Variants in PRKCB observed in about 807,000 individuals in gnomAD.
PRKCB encodes protein kinase C beta type.
In PRKCB, 13 loss-of-function variants were observed where a neutral mutation model predicts 81.5. The observed-to-expected ratio is 0.16, with a 90% confidence interval of 0.10 to 0.25. The LOEUF is 0.25. Ranked by LOEUF, PRKCB falls within the 10% of genes least tolerant of loss-of-function variation. The pLI, the probability that PRKCB is intolerant of heterozygous loss-of-function variation, is 1.00. For missense variants in PRKCB, 509 were observed against 875.7 expected (o/e 0.58, Z 5.29); for synonymous variants, 335 against 321.4 (o/e 1.04, Z -0.45).
At chr16:24,136,549 C>T (rs188826528) in intron 9 of PRKCB, among the ~76,000 whole-genome samples, 2 of 152,274 alleles carry the variant, frequency 1.3e-5, no homozygotes, top group African/African-American at 4.8e-5. Flanking sequence ...TCTGCAGATA[C>T]GCATCAGCAC....
chr16:23,985,010 C>T (rs1387564549), intron 2 of PRKCB, among the ~76,000 whole-genome samples: 1 of 152,154 alleles, frequency 6.6e-6, no homozygotes, highest in African/African-American at 2.4e-5. Context: ...TAAAACTCCA[C>T]AAAAGCTATT....
At chr16:23,919,821 G>T (rs187769672) in intron 2 of PRKCB, among the ~76,000 whole-genome samples, 1 of 152,266 alleles carries the variant, frequency 6.6e-6, no homozygotes, top group Middle Eastern at 3.4e-3. Flanking sequence ...ACATTGTTGC[G>T]TGTGTCAGAA....
chr16:23,982,043 C>T (rs1346559828), intron 2 of PRKCB, among the ~76,000 whole-genome samples: 1 of 105,920 alleles, frequency 9.4e-6, no homozygotes, highest in African/African-American at 4.0e-5. Flanking sequence ...CCTTCACCTT[C>T]CCCTTCCCTT....
intron 3 of PRKCB, among the ~76,000 whole-genome samples, chr16:24,000,557 A>G (rs1213527711): frequency 1.3e-5 from 2 of 152,236 alleles, no homozygotes; most frequent in African/African-American, 4.8e-5. Context: ...ACATAGGTTT[A>G]TAGTGATAAT....
intron 13 of PRKCB, among the ~76,000 whole-genome samples, 163 bp from the exon 14 acceptor site, chr16:24,184,948 A>G (rs1967680625): frequency 6.6e-6 from 1 of 152,248 alleles, no homozygotes; most frequent in Admixed American, 6.5e-5. Flanking sequence ...GTGTTTGCCC[A>G]GCTGCAGGTG....
intron 5 of PRKCB, among the ~76,000 whole-genome samples, chr16:24,084,923 G>A (rs1966293472): frequency 6.6e-6 from 1 of 152,120 alleles, no homozygotes; most frequent in Non-Finnish European, 1.5e-5. Flanking sequence ...CCCTATGTGT[G>A]ACACTTTCCC....
intron 3 of PRKCB, among the ~76,000 whole-genome samples, chr16:24,013,500 T>C (rs113940756): frequency 1.0e-3 from 153 of 152,300 alleles, no homozygotes; most frequent in African/African-American, 3.6e-3. Context: ...AAACCTGTTT[T>C]ACATGGTCGT....
At chr16:23,862,461 T>C (rs1962685596) in intron 2 of PRKCB, among the ~76,000 whole-genome samples, 1 of 152,218 alleles carries the variant, frequency 6.6e-6, no homozygotes, top group Non-Finnish European at 1.5e-5. Context: ...GACTTGAGGC[T>C]TCATGTTGAA....
chr16:24,004,307 A>G (rs1965084243), intron 3 of PRKCB, among the ~76,000 whole-genome samples: 1 of 152,098 alleles, frequency 6.6e-6, no homozygotes, highest in Non-Finnish European at 1.5e-5. Context: ...TAAAAGGGAC[A>G]AAAGTGTATC....
At chr16:24,137,075 G>T (rs1473408002) in intron 9 of PRKCB, among the ~76,000 whole-genome samples, 1 of 148,312 alleles carries the variant, frequency 6.7e-6, no homozygotes, top group East Asian at 2.0e-4. Context: ...TTTTAGTAGA[G>T]ACGGGGTTTC....
rs780530354 is a variant in PRKCB, at chr16:23,837,414, C to G, written c.205+8C>G. On this transcript the variant is annotated splice_region_variant and intron_variant, in intron 2 of 16. Coordinates refer to ENST00000643927, the MANE Select transcript of PRKCB (RefSeq NM_002738.7). Reference sequence around the variant, plus strand: ...AGGGATTCCAGTGCCAAGGTAGGCTCTGGGGCTTTGGGGATGCTATTTGTG... The same window carrying G: ...AGGGATTCCAGTGCCAAGGTAGGCTGTGGGGCTTTGGGGATGCTATTTGTG... 13 of 1,609,672 alleles carry G rather than the reference C, an allele frequency of 8.1e-6. No individual in the cohort carries two copies. The highest frequency in any genetic ancestry group is 1.7e-4 in the Middle Eastern group (1 of 6,042).
At chr16:23,939,046 CA>C (rs1964103486) in intron 2 of PRKCB, among the ~76,000 whole-genome samples, 1 of 152,126 alleles carries the variant, frequency 6.6e-6, no homozygotes, top group Non-Finnish European at 1.5e-5. Flanking sequence ...TTGCCAGATA[CA>C]GGGGAAACAT....
chr16:24,004,235 G>C (rs1017008885), intron 3 of PRKCB, among the ~76,000 whole-genome samples: 2 of 152,090 alleles, frequency 1.3e-5, no homozygotes, highest in Non-Finnish European at 2.9e-5. Context: ...CTATGAGATT[G>C]GATGAGCAAT....
At chr16:23,874,049 G>T (rs1234891022) in intron 2 of PRKCB, among the ~76,000 whole-genome samples, 1 of 152,058 alleles carries the variant, frequency 6.6e-6, no homozygotes, top group African/African-American at 2.4e-5. Context: ...AGGGAAAATT[G>T]CTTGTCTATG....
chr16:24,068,930 G>A (rs1966074563), intron 5 of PRKCB, among the ~76,000 whole-genome samples: 1 of 152,186 alleles, frequency 6.6e-6, no homozygotes, highest in Non-Finnish European at 1.5e-5. Flanking sequence ...AGAACACTAT[G>A]GAGACAGCGA....
intron 2 of PRKCB, among the ~76,000 whole-genome samples, chr16:23,855,790 C>G (rs532783596): frequency 2.0e-4 from 31 of 152,180 alleles, no homozygotes; most frequent in Non-Finnish European, 3.8e-4. Context: ...CTGGGACAAG[C>G]CAATGCATCA....
rs543636928 is a variant in PRKCB, at chr16:24,217,751, T to C, written c.*2935T>C. On this transcript the variant is annotated 3_prime_UTR_variant, in exon 17 of 17. Coordinates refer to ENST00000643927, the MANE Select transcript of PRKCB (RefSeq NM_002738.7). ...GGCAGGGAAAGCGAAATAGGGTTGA[T>C]GAGACCAGGGGAGACCTAAAAAAAA... The C allele has an allele frequency of 3.0e-6, 3 of 985,418 alleles. No homozygotes were observed. Among genetic ancestry groups the C allele is most frequent in the Middle Eastern group, 5.2e-4 (1 of 1,914 alleles). The allele number at this position is 985,418 out of a possible 1,614,324, so 61.0% of individuals were successfully genotyped here.
chr16:23,887,342 C>T (rs1435003167), intron 2 of PRKCB, among the ~76,000 whole-genome samples: 2 of 152,124 alleles, frequency 1.3e-5, no homozygotes, highest in East Asian at 3.9e-4. Context: ...TAAACCGTTA[C>T]CCCCTTCTCT....
intron 2 of PRKCB, among the ~76,000 whole-genome samples, chr16:23,890,946 ATATG>A (rs1243726125): frequency 6.6e-6 from 1 of 152,036 alleles, no homozygotes; most frequent in Non-Finnish European, 1.5e-5. Context: ...TTATCTTTAT[ATATG>A]TATGTATGCC....
Sources: allele counts gnomAD v4.1 joint callset (sites outside exome capture counted in the v4.1 genomes callset), GRCh38; gene constraint gnomAD v4.1.1; transcripts MANE v1.5; gene names NCBI Gene and HGNC (gene_info 2026-07-23, HGNC 2026-07-21).